Variants in COL24A1 observed in about 807,000 individuals in gnomAD.
COL24A1 encodes the protein collagen type XXIV alpha 1 chain, also known as collagen alpha-1(XXIV) chain.
Under a neutral mutation model 253.9 loss-of-function variants are expected in COL24A1, and 224 were observed. The ratio of observed to expected loss-of-function variants is 0.88; its 90% confidence interval spans 0.79 to 0.99. COL24A1 has a LOEUF of 0.99. Among genes scored for constraint, COL24A1 ranks in the 50% least tolerant of loss-of-function variants. The pLI is 0.00. For missense variants in COL24A1, 2,131 were observed against 2,068.5 expected (o/e 1.03, Z -0.59); for synonymous variants, 685 against 673.7 (o/e 1.02, Z -0.26).
chr1:86,073,186 G>A (rs1043239956), intron 7 of COL24A1, among the ~76,000 whole-genome samples: 1 of 152,076 alleles, frequency 6.6e-6, no homozygotes, highest in Admixed American at 6.6e-5. Flanking sequence ...CCAAGCTAAA[G>A]GAGCATGTTC....
In COL24A1 at chr1:85,989,421, T is replaced by C. The variant is rs566153769; in HGVS notation, c.2311-1767A>G. Reference sequence around the variant, plus strand: ...CATTTACTAAGCCCCATCCATTACATCTCCTAATTCACTGTCAGTCTGAAC... The same window carrying C: ...CATTTACTAAGCCCCATCCATTACACCTCCTAATTCACTGTCAGTCTGAAC... On this transcript the variant is annotated intron_variant, in intron 19 of 59. Transcript: ENST00000370571. Among the ~76,000 whole-genome samples, 4 of 152,144 alleles carry C rather than the reference T, an allele frequency of 2.6e-5. No homozygotes were observed. The South Asian group carries it at 8.3e-4, about 32-fold the overall frequency.
chr1:85,849,321 G>A (rs1558379875), intron 38 of COL24A1, 32 bp downstream of exon 38: 4 of 1,596,902 alleles, frequency 2.5e-6, no homozygotes, highest in Non-Finnish European at 1.7e-6. Flanking sequence ...TCAGAAGAAA[G>A]AAAACCTGCA....
At chr1:85,924,579 A>T (rs1225968884) in intron 24 of COL24A1, among the ~76,000 whole-genome samples, 2 of 152,238 alleles carry the variant, frequency 1.3e-5, no homozygotes, top group Non-Finnish European at 2.9e-5. Flanking sequence ...CCACATGATT[A>T]TCTCAATAGA....
rs151269162 is a variant in COL24A1, at chr1:85,996,868, TA to T, written c.2311-9215del. On this transcript the variant is annotated intron_variant, in intron 19 of 59. Coordinates refer to ENST00000370571, the MANE Select transcript of COL24A1 (RefSeq NM_152890.7). ...AGCATGGAGTGGGAAGTTAGGTGAT[TA>T]AAAAAGATTTATATTGTTATGAGGA... Among the ~76,000 whole-genome samples, 737 of 151,870 alleles carry T rather than the reference TA, an allele frequency of 4.9e-3. 25 individuals carry two copies. In the East Asian group the frequency reaches 0.069, roughly 14 times the overall value.
intron 43 of COL24A1, 141 bp from the exon 44 acceptor site, chr1:85,823,879 A>G: frequency 1.4e-6 from 1 of 738,448 alleles, no homozygotes; most frequent in South Asian, 2.0e-5. Flanking sequence ...TCTTGGAAAT[A>G]GAAAAGAACA....
chr1:85,912,746 G>A (rs6703317), intron 24 of COL24A1, among the ~76,000 whole-genome samples: 47,636 of 152,032 alleles, frequency 0.31, 8,478 homozygotes, highest in East Asian at 0.51. Flanking sequence ...GAGGTTAAAT[G>A]GTATGGATGA....
intron 20 of COL24A1, among the ~76,000 whole-genome samples, chr1:85,987,201 G>T (rs916937452): frequency 1.3e-5 from 2 of 151,826 alleles, no homozygotes; most frequent in Non-Finnish European, 3.0e-5. Flanking sequence ...GGTCTTTTGT[G>T]CTATGTAGAG....
Position 85,792,439 on chromosome 1 carries a change from C to A in COL24A1, c.3952-5978G>T, listed in dbSNP as rs138958262. Among the ~76,000 whole-genome samples the A allele has an allele frequency of 2.6e-3, 397 of 150,120 alleles. 2 individuals carry two copies. Among genetic ancestry groups the A allele is most frequent in the African/African-American group, 9.0e-3 (369 of 40,880 alleles). On this transcript the variant is annotated intron_variant, in intron 47 of 59. Transcript: ENST00000370571. ...TGGTGGCTCATCCCTGTAACCCCAG[C>A]ACTTTGGTAGAGGCTAAGGTGGGAG...
At chr1:86,112,360 A>G (rs927725559) in intron 5 of COL24A1, among the ~76,000 whole-genome samples, 6 of 152,180 alleles carry the variant, frequency 3.9e-5, no homozygotes, top group African/African-American at 1.4e-4. Flanking sequence ...TTTTACTACT[A>G]AGAATATAAA....
At chr1:86,045,151 A>C (rs1464066600) in intron 12 of COL24A1, among the ~76,000 whole-genome samples, 1 of 151,890 alleles carries the variant, frequency 6.6e-6, no homozygotes, top group Non-Finnish European at 1.5e-5. Flanking sequence ...CACCACAGCC[A>C]GCTAATTTTT....
At chr1:86,013,531 C>T (rs988554208) in intron 19 of COL24A1, among the ~76,000 whole-genome samples, 7 of 152,208 alleles carry the variant, frequency 4.6e-5, no homozygotes, top group Admixed American at 4.6e-4. Flanking sequence ...AAGCCTCTTA[C>T]ATTTCAAACT....
At chr1:85,934,402 C>T (rs1466598681) in intron 24 of COL24A1, among the ~76,000 whole-genome samples, 3 of 152,112 alleles carry the variant, frequency 2.0e-5, no homozygotes, top group Non-Finnish European at 4.4e-5. Flanking sequence ...GACTTTGACT[C>T]CTCCCAATAG....
chr1:85,823,949 T>C (rs1358229524), intron 43 of COL24A1, among the ~76,000 whole-genome samples: 1 of 152,120 alleles, frequency 6.6e-6, no homozygotes, highest in Non-Finnish European at 1.5e-5. Flanking sequence ...TCTTTCTTTC[T>C]TTCTTTTTTT....
intron 7 of COL24A1, among the ~76,000 whole-genome samples, chr1:86,068,883 A>G (rs990239378): frequency 1.3e-5 from 2 of 152,044 alleles, no homozygotes; most frequent in Non-Finnish European, 2.9e-5. Context: ...TCAAAAGGGA[A>G]CTTCCTGCTT....
intron 20 of COL24A1, among the ~76,000 whole-genome samples, chr1:85,976,021 G>A (rs1410345972): frequency 6.6e-6 from 1 of 152,132 alleles, no homozygotes; most frequent in Non-Finnish European, 1.5e-5. Flanking sequence ...GGGCCCTCAG[G>A]GAAGGCAGCC....
chr1:85,889,007 C>G (rs147629668), intron 32 of COL24A1, among the ~76,000 whole-genome samples: 10 of 152,200 alleles, frequency 6.6e-5, no homozygotes, highest in Middle Eastern at 3.4e-3. Flanking sequence ...GTAGGTGTGA[C>G]AGGTCTTTCC....
At chr1:85,793,032 A>G (rs1670454760) in intron 47 of COL24A1, among the ~76,000 whole-genome samples, 1 of 152,294 alleles carries the variant, frequency 6.6e-6, no homozygotes, top group African/African-American at 2.4e-5. Context: ...TGGTATTTAA[A>G]AAGTAAAGTC....
At chr1:86,084,506 G>GGCTTT (rs1380260736) in intron 7 of COL24A1, among the ~76,000 whole-genome samples, 2 of 152,124 alleles carry the variant, frequency 1.3e-5, no homozygotes, top group Non-Finnish European at 2.9e-5. Flanking sequence ...AGTAGTACTT[G>GGCTTT]GCTTTTTCCT....
At chr1:85,775,175 G>A (rs76383321) in intron 53 of COL24A1, among the ~76,000 whole-genome samples, 1 of 152,130 alleles carries the variant, frequency 6.6e-6, no homozygotes, top group Admixed American at 6.5e-5. Flanking sequence ...ATGTCGTTGT[G>A]CAGTTTTGAG....
Sources: gnomAD v4.1 joint callset for allele counts (sites outside exome capture counted in the v4.1 genomes callset) on GRCh38, gnomAD v4.1.1 for gene constraint, MANE v1.5 for transcripts, NCBI Gene and HGNC (gene_info 2026-07-23, HGNC 2026-07-21) for gene names.